MPPED2: variants seen among roughly 807,000 people sequenced by gnomAD.
MPPED2 encodes metallophosphoesterase domain containing 2.
Under a neutral mutation model 33.0 loss-of-function variants are expected in MPPED2, and 5 were observed. The ratio of observed to expected loss-of-function variants is 0.15; its 90% CI spans 0.08 to 0.32. The LOEUF is 0.32. Ranked by LOEUF, MPPED2 falls within the 10% of genes least tolerant of loss-of-function variation. MPPED2 has a pLI of 1.00. For synonymous variants in MPPED2, 136 were observed against 141.9 expected, an observed-to-expected ratio of 0.96 and a Z score of 0.29; for missense variants, 275 against 372.1, an observed-to-expected ratio of 0.74 and a Z score of 2.15.
At chr11:30,565,490 G>A (rs1480184878) in intron 2 of MPPED2, among the ~76,000 whole-genome samples, 1 of 152,070 alleles carries the variant, frequency 6.6e-6, no homozygotes, top group Non-Finnish European at 1.5e-5. Flanking sequence ...GTCCATCAGA[G>A]CCCCTTTACC....
At chr11:30,485,384 A>G (rs1951674332) in intron 4 of MPPED2, among the ~76,000 whole-genome samples, 1 of 95,664 alleles carries the variant, frequency 1.0e-5, no homozygotes, top group African/African-American at 3.3e-5. Context: ...TTGACAGATG[A>G]AACTGGTTCA....
intron 4 of MPPED2, among the ~76,000 whole-genome samples, chr11:30,450,613 C>G (rs1374600544): frequency 1.3e-5 from 2 of 152,158 alleles, no homozygotes; most frequent in Non-Finnish European, 2.9e-5. Context: ...AATATGGCCA[C>G]TCCTAGGTGC....
At chr11:30,544,155 G>T (rs956428723) in intron 2 of MPPED2, among the ~76,000 whole-genome samples, 3 of 152,138 alleles carry the variant, frequency 2.0e-5, no homozygotes, top group Non-Finnish European at 1.5e-5. Context: ...GCCATCTGAG[G>T]TGTTTTTATG....
At chr11:30,397,684 G>A (rs965213680) in intron 6 of MPPED2, among the ~76,000 whole-genome samples, 2 of 152,112 alleles carry the variant, frequency 1.3e-5, no homozygotes, top group Non-Finnish European at 2.9e-5. Context: ...AATCCTGTAA[G>A]ATCAGTACAC....
In MPPED2 at chr11:30,536,214, A is replaced by C. The variant is rs769791669; in HGVS notation, c.129-39T>G. 12 of 1,463,792 alleles carry C rather than the reference A, an allele frequency of 8.2e-6. No individual in the cohort carries two copies. The East Asian group carries it at 2.6e-4, about 32-fold the overall frequency. 90.7% of individuals were successfully genotyped at this position (1,463,792 alleles called of 1,614,324 possible). On this transcript the variant is annotated intron_variant, in intron 2 of 6. Coordinates refer to ENST00000358117, the MANE Select transcript of MPPED2 (RefSeq NM_001584.3). Reference sequence around the variant, plus strand: ...AACAGATCCCATAACAGTTAAACATATTAGAACCCTTGAAATTGTCGTCGC... The same window carrying C: ...AACAGATCCCATAACAGTTAAACATCTTAGAACCCTTGAAATTGTCGTCGC...
intron 3 of MPPED2, among the ~76,000 whole-genome samples, chr11:30,504,000 C>G (rs1046808323): frequency 2.0e-5 from 3 of 152,130 alleles, no homozygotes; most frequent in African/African-American, 7.2e-5. Flanking sequence ...ATAGTCAGAC[C>G]TGTTATCACA....
intron 2 of MPPED2, among the ~76,000 whole-genome samples, chr11:30,542,831 T>C (rs1955201194): frequency 6.6e-6 from 1 of 152,172 alleles, no homozygotes; most frequent in Non-Finnish European, 1.5e-5. Flanking sequence ...TAACTTTCAA[T>C]TCACTTATCT....
At chr11:30,501,818 G>C (rs546672656) in intron 3 of MPPED2, among the ~76,000 whole-genome samples, 2 of 152,288 alleles carry the variant, frequency 1.3e-5, no homozygotes, top group East Asian at 3.9e-4. Context: ...GTCAAAGTCA[G>C]CATAACTCCC....
chr11:30,584,726 C>G (rs1354091958), intron 1 of MPPED2: 1 of 152,484 alleles, frequency 6.6e-6, no homozygotes, highest in Non-Finnish European at 1.5e-5. Context: ...AGCGCTGAGC[C>G]CGAGCCCGGG....
At chr11:30,455,507 T>C (rs1012633270) in intron 4 of MPPED2, among the ~76,000 whole-genome samples, 1 of 152,248 alleles carries the variant, frequency 6.6e-6, no homozygotes, top group Non-Finnish European at 1.5e-5. Context: ...TATTAAAATA[T>C]ACATTTGAAG....
Position 30,536,013 on chromosome 11 carries a change from C to T in MPPED2, c.291G>A (p.Lys97=). The change falls in exon 3 of 7, where the codon AAG becomes AAA. Residue 97 remains lysine, a synonymous_variant. Coordinates refer to ENST00000358117, the MANE Select transcript of MPPED2 (RefSeq NM_001584.3). ...CCTTACCTAACCAGTCATTAAACTT[C>T]TTAACCTCTGAGGGCAGTCCCAGCT... ...FTELGLPSEV[K]KFNDWLGNLP... is the part of the protein sequence containing the mutation. 5 of 1,607,380 alleles carry T rather than the reference C, an allele frequency of 3.1e-6. No homozygotes were observed. Among genetic ancestry groups the T allele is most frequent in the Non-Finnish European group, 4.2e-6 (5 of 1,177,554 alleles).
At chr11:30,384,618 C>G (rs557031653) in exon 7 of MPPED2, 5 of 151,604 alleles carry the variant, frequency 3.3e-5, no homozygotes, top group African/African-American at 1.2e-4. Context: ...GGGACTACCA[C>G]GCCCAACTAA....
chr11:30,492,920 T>G (rs901084867), intron 4 of MPPED2, among the ~76,000 whole-genome samples: 53 of 152,296 alleles, frequency 3.5e-4, no homozygotes, highest in African/African-American at 1.3e-3. Flanking sequence ...AGAATCATAA[T>G]AGTGCCCATC....
chr11:30,413,574 G>T (rs1031891682), intron 6 of MPPED2, among the ~76,000 whole-genome samples: 2 of 152,172 alleles, frequency 1.3e-5, no homozygotes, highest in African/African-American at 4.8e-5. Context: ...ATGGCAACTG[G>T]ACCAGTTCCT....
intron 4 of MPPED2, among the ~76,000 whole-genome samples, chr11:30,486,427 A>T (rs896360673): frequency 1.3e-5 from 2 of 152,216 alleles, no homozygotes; most frequent in African/African-American, 4.8e-5. Context: ...GGAATACTGT[A>T]TATTTGACAA....
chr11:30,567,921 T>C (rs1267113504), intron 2 of MPPED2, among the ~76,000 whole-genome samples: 2 of 152,136 alleles, frequency 1.3e-5, no homozygotes, highest in Admixed American at 6.5e-5. Flanking sequence ...TGTGTCTCCC[T>C]TGGGAGAGAG....
intron 4 of MPPED2, among the ~76,000 whole-genome samples, chr11:30,482,220 T>G (rs1951522878): frequency 6.6e-6 from 1 of 152,232 alleles, no homozygotes; most frequent in Non-Finnish European, 1.5e-5. Context: ...TGGTGTATTA[T>G]CTTTCAGTTT....
intron 2 of MPPED2, among the ~76,000 whole-genome samples, chr11:30,550,952 GC>G (rs1435871152): frequency 6.6e-6 from 1 of 152,142 alleles, no homozygotes; most frequent in Non-Finnish European, 1.5e-5. Context: ...CCTCTGACCT[GC>G]CTGCTATTCC....
chr11:30,567,105 C>T (rs1183163290), intron 2 of MPPED2, among the ~76,000 whole-genome samples: 1 of 152,092 alleles, frequency 6.6e-6, no homozygotes, highest in Non-Finnish European at 1.5e-5. Flanking sequence ...ACTTATAATG[C>T]ATCTTTCCTT....
Sources: gnomAD v4.1 joint callset for allele counts (sites outside exome capture counted in the v4.1 genomes callset) on GRCh38, gnomAD v4.1.1 for gene constraint, MANE v1.5 for transcripts, NCBI Gene and HGNC (gene_info 2026-07-23, HGNC 2026-07-21) for gene names.